The following SMYD3 variants were observed in gnomAD, a reference collection of about 807,000 sequenced individuals.
SMYD3 encodes the protein histone-lysine N-methyltransferase SMYD3.
A neutral mutation model predicts 57.7 loss-of-function variants in SMYD3; 36 were observed. That is an observed-to-expected ratio of 0.62 (90% CI 0.48 to 0.82). The LOEUF (loss-of-function observed/expected upper bound fraction) is 0.82, where lower values mean the gene tolerates loss of function less well. Among genes scored for constraint, SMYD3 ranks in the 40% least tolerant of loss-of-function variants. The probability of loss-of-function intolerance (pLI) is 0.00; values close to 1 mark genes in which losing one functional copy is unlikely to be tolerated. For synonymous variants in SMYD3, 211 were observed against 195.0 expected (o/e 1.08, Z -0.68); for missense variants, 515 against 538.8 (o/e 0.96, Z 0.44).
intron 10 of SMYD3, among the ~76,000 whole-genome samples, chr1:245,837,265 A>AAGG: frequency 6.6e-6 from 1 of 151,160 alleles, no homozygotes; most frequent in Non-Finnish European, 1.5e-5. Context: ...GAAGAAGAAG[A>AAGG]AGGAGAGGAA....
chr1:245,893,320 A>G (rs961249687), intron 8 of SMYD3, among the ~76,000 whole-genome samples: 4 of 152,236 alleles, frequency 2.6e-5, no homozygotes, highest in South Asian at 2.1e-4. Flanking sequence ...TTATAAAGTT[A>G]AACATATATT....
rs182325585 is a variant in SMYD3, at chr1:246,462,221, C to T, written c.164+44833G>A. Among the ~76,000 whole-genome samples the T allele has an allele frequency of 2.4e-4, 21 of 87,610 alleles. 1 individual carries two copies. Among genetic ancestry groups the T allele is most frequent in the South Asian group, 4.8e-4 (1 of 2,104 alleles). The allele number at this position is 87,610 out of a possible 152,430, so 57.5% of individuals were successfully genotyped here. A position where few individuals can be genotyped will look rare whatever the true frequency, so the allele number is the denominator to read the frequency against. On this transcript the variant is annotated intron_variant, in intron 1 of 11. Transcript: ENST00000490107. Reference sequence around the variant, plus strand: ...ATCCTCCCGCGGGGCCTGCTGGGTACAGTGCATCCTCCCGCGGGGCCTGCT... The same window carrying T: ...ATCCTCCCGCGGGGCCTGCTGGGTATAGTGCATCCTCCCGCGGGGCCTGCT...
intron 1 of SMYD3, among the ~76,000 whole-genome samples, chr1:246,367,259 G>A (rs1040554914): frequency 1.3e-5 from 2 of 152,134 alleles, no homozygotes; most frequent in African/African-American, 2.4e-5. Flanking sequence ...AAGTATATTT[G>A]CTAGACATGA....
At chr1:245,785,640 C>T (rs934216085) in intron 10 of SMYD3, among the ~76,000 whole-genome samples, 2 of 140,902 alleles carry the variant, frequency 1.4e-5, no homozygotes, top group South Asian at 2.2e-4. Flanking sequence ...AGAGAGAGAG[C>T]GAGCGAGAGA....
At chr1:246,461,277 G>C (rs2067793901) in intron 1 of SMYD3, among the ~76,000 whole-genome samples, 2 of 151,970 alleles carry the variant, frequency 1.3e-5, no homozygotes, top group African/African-American at 4.8e-5. Context: ...GGAAATTAGT[G>C]GGAAAAAAAG....
chr1:245,941,982 T>C (rs1237700754), intron 5 of SMYD3, among the ~76,000 whole-genome samples: 3 of 152,040 alleles, frequency 2.0e-5, no homozygotes, highest in Admixed American at 2.0e-4. Context: ...AAGGAAGCAC[T>C]AAATAAGGAA....
At chr1:245,789,765 T>C (rs924506344) in intron 10 of SMYD3, among the ~76,000 whole-genome samples, 14 of 152,240 alleles carry the variant, frequency 9.2e-5, no homozygotes, top group Non-Finnish European at 1.8e-4. Flanking sequence ...AGATGGTCTA[T>C]GGGTTAATGG....
chr1:246,472,467 G>A (rs1395108419), intron 1 of SMYD3, among the ~76,000 whole-genome samples: 1 of 152,160 alleles, frequency 6.6e-6, no homozygotes, highest in African/African-American at 2.4e-5. Flanking sequence ...AATAGGCTGG[G>A]CATAGTGGCT....
chr1:246,467,892 A>T (rs2067902840), intron 1 of SMYD3, among the ~76,000 whole-genome samples: 1 of 152,208 alleles, frequency 6.6e-6, no homozygotes, highest in East Asian at 1.9e-4. Flanking sequence ...TCAGCAGCAC[A>T]TCAAAAAGAG....
intron 1 of SMYD3, among the ~76,000 whole-genome samples, chr1:246,411,150 T>A (rs1343868128): frequency 6.6e-6 from 1 of 152,228 alleles, no homozygotes; most frequent in Non-Finnish European, 1.5e-5. Context: ...TGAAGGGTTT[T>A]TTGTGTCTCC....
At position 246,180,528 on chromosome 1, in the gene SMYD3, C is replaced by A. The variant is rs531595741; in HGVS notation, c.531+146673G>T. Among the ~76,000 whole-genome samples, 475 of 150,188 alleles carry A rather than the reference C, an allele frequency of 3.2e-3. 1 individual carries two copies. The highest frequency in any genetic ancestry group is 4.7e-3 in the Non-Finnish European group (321 of 67,642). On this transcript the variant is annotated intron_variant, in intron 5 of 11. Coordinates refer to ENST00000490107, the MANE Select transcript of SMYD3 (RefSeq NM_001167740.2). ...ATCCCAGCACTTTAGGAGGCCGAGG[C>A]AGGTGGATCATGAAGTCAGGAGATC... is the stretch of plus-strand genomic sequence containing the variant.
chr1:246,324,884 C>A (rs2065313308), intron 5 of SMYD3, among the ~76,000 whole-genome samples: 1 of 150,714 alleles, frequency 6.6e-6, no homozygotes, highest in Non-Finnish European at 1.5e-5. Flanking sequence ...TGCACCATCA[C>A]ACACCGTCAA....
At chr1:245,770,241 A>G (rs966681596) in intron 10 of SMYD3, among the ~76,000 whole-genome samples, 1 of 152,142 alleles carries the variant, frequency 6.6e-6, no homozygotes, top group African/African-American at 2.4e-5. Context: ...CCTTGTATTC[A>G]TTGGTACTTT....
chr1:246,429,213 G>A (rs991506840), intron 1 of SMYD3, among the ~76,000 whole-genome samples: 34 of 151,932 alleles, frequency 2.2e-4, no homozygotes, highest in Non-Finnish European at 4.7e-4. Context: ...TGGAAAGAAT[G>A]TTGAGTAGAA....
chr1:245,837,722 C>T (rs946317295), intron 10 of SMYD3, among the ~76,000 whole-genome samples: 1 of 152,114 alleles, frequency 6.6e-6, no homozygotes, highest in South Asian at 2.1e-4. Context: ...CCGAGACACC[C>T]GGAGACTTCT....
intron 5 of SMYD3, among the ~76,000 whole-genome samples, chr1:246,272,475 T>C (rs1033893089): frequency 1.3e-5 from 2 of 152,226 alleles, no homozygotes; most frequent in African/African-American, 2.4e-5. Context: ...TGTTCAGTGA[T>C]TTTTGTCATG....
intron 5 of SMYD3, among the ~76,000 whole-genome samples, chr1:246,232,702 G>A (rs12140996): frequency 8.2e-6 from 1 of 122,664 alleles, no homozygotes. Context: ...CCACACAGAG[G>A]AGAAGCACTC....
At chr1:246,115,893 C>T (rs561561956) in intron 5 of SMYD3, among the ~76,000 whole-genome samples, 2 of 152,050 alleles carry the variant, frequency 1.3e-5, no homozygotes, top group Admixed American at 6.6e-5. Context: ...AATCCCAGCA[C>T]TTCCGGAGGC....
intron 5 of SMYD3, among the ~76,000 whole-genome samples, chr1:246,095,024 G>C (rs1039537334): frequency 6.6e-6 from 1 of 151,968 alleles, no homozygotes; most frequent in Non-Finnish European, 1.5e-5. Flanking sequence ...TTCTGCTCGG[G>C]CACCATCTTC....
Sources: allele counts gnomAD v4.1 joint callset (sites outside exome capture counted in the v4.1 genomes callset), GRCh38; gene constraint gnomAD v4.1.1; transcripts MANE v1.5; gene names NCBI Gene and HGNC (gene_info 2026-07-23, HGNC 2026-07-21).